The following ADGB variants were observed in gnomAD, a reference collection of about 807,000 sequenced individuals.
ADGB encodes the protein androglobin, also known as calpain-7-like protein.
A neutral mutation model predicts 210.5 loss-of-function variants in ADGB; 172 were observed. The ratio of observed to expected loss-of-function variants is 0.82; its 90% confidence interval spans 0.72 to 0.93. ADGB has a LOEUF of 0.93. Ranked by LOEUF, ADGB falls within the 40% of genes least tolerant of loss-of-function variation. The probability of loss-of-function intolerance (pLI) is 0.00; values close to 1 mark genes in which losing one functional copy is unlikely to be tolerated. For synonymous variants in ADGB, 658 were observed against 662.7 expected (o/e 0.99, Z 0.11); for missense variants, 2,025 against 1,964.8 (o/e 1.03, Z -0.58).
At chr6:146,645,462 G>A (rs1775595005) in intron 3 of ADGB, among the ~76,000 whole-genome samples, 1 of 151,994 alleles carries the variant, frequency 6.6e-6, no homozygotes, top group Non-Finnish European at 1.5e-5. Flanking sequence ...CTATATGTTA[G>A]TTTGAATATA....
At chr6:146,698,619 A>G (rs6905055) in intron 12 of ADGB, among the ~76,000 whole-genome samples, 46,728 of 152,144 alleles carry the variant, frequency 0.31, 7,788 homozygotes, top group East Asian at 0.46. Flanking sequence ...AAATATTGGC[A>G]GTTGGCAATG....
intron 13 of ADGB, among the ~76,000 whole-genome samples, chr6:146,711,618 C>T (rs1776657751): frequency 1.3e-5 from 2 of 152,148 alleles, no homozygotes; most frequent in Admixed American, 1.3e-4. Context: ...TCCATTCTCC[C>T]ACCTAATTTA....
intron 35 of ADGB, among the ~76,000 whole-genome samples, chr6:146,811,505 G>T (rs965404357): frequency 6.6e-6 from 1 of 150,752 alleles, no homozygotes; most frequent in Non-Finnish European, 1.5e-5. Context: ...TATTCAAGTA[G>T]TAACATTATT....
chr6:146,624,552 G>T (rs1176017000), intron 1 of ADGB, among the ~76,000 whole-genome samples: 1 of 151,226 alleles, frequency 6.6e-6, no homozygotes, highest in East Asian at 1.9e-4. Context: ...CTGGATTTTT[G>T]GTTACATTTA....
chr6:146,666,710 T>A, intron 6 of ADGB, 106 bp from the exon 7 acceptor site: 1 of 605,814 alleles, frequency 1.7e-6, no homozygotes, highest in Non-Finnish European at 2.8e-6. Context: ...CAGTCTATAA[T>A]GAATAATCAG....
rs1334983685 is a variant in ADGB, at chr6:146,728,718, G to A, written c.2497G>A (p.Glu833Lys). The A allele has an allele frequency of 6.4e-7, 1 of 1,550,422 alleles. No homozygotes were observed. Among genetic ancestry groups the A allele is most frequent in the Admixed American group, 2.0e-5 (1 of 50,972 alleles). The change falls in exon 20 of 36, where the codon GAA becomes AAA. Residue 833 changes from glutamate to lysine, a missense_variant. Glu to Lys is a moderately conservative substitution (Grantham distance 56, BLOSUM62 1). Coordinates refer to ENST00000397944, the MANE Select transcript of ADGB (RefSeq NM_024694.4). ...CTACCCTGTCCCCTTCCATGATAAA[G>A]AACTAACTGCACAGCACTTCAGGGT... The part of the protein sequence containing the change: ...AHYPVPFHDK[E>K]LTAQHFRVFH...
chr6:146,722,354 G>T (rs1776830694), intron 17 of ADGB, among the ~76,000 whole-genome samples: 1 of 152,082 alleles, frequency 6.6e-6, no homozygotes, highest in East Asian at 1.9e-4. Context: ...TATCTACCCT[G>T]CCACTTTTTC....
At chr6:146,655,242 A>G (rs1775762762) in intron 4 of ADGB, among the ~76,000 whole-genome samples, 1 of 152,140 alleles carries the variant, frequency 6.6e-6, no homozygotes, top group Admixed American at 6.6e-5. Context: ...AGCAATGGAC[A>G]TGAAGTGGCT....
intron 1 of ADGB, among the ~76,000 whole-genome samples, chr6:146,629,810 C>T (rs957698053): frequency 2.6e-5 from 4 of 152,124 alleles, no homozygotes; most frequent in Admixed American, 6.5e-5. Flanking sequence ...GTCATCCTTA[C>T]TCCTTTATAA....
intron 27 of ADGB, among the ~76,000 whole-genome samples, chr6:146,762,722 T>G (rs1231485984): frequency 6.6e-6 from 1 of 152,118 alleles, no homozygotes; most frequent in Non-Finnish European, 1.5e-5. Flanking sequence ...AGTTCTAGAG[T>G]TGCCATGACT....
chr6:146,756,304 C>A (rs935313699), intron 27 of ADGB, among the ~76,000 whole-genome samples: 1 of 152,096 alleles, frequency 6.6e-6, no homozygotes, highest in African/African-American at 2.4e-5. Flanking sequence ...GAGCTTTCTG[C>A]AAGATAGACC....
intron 4 of ADGB, among the ~76,000 whole-genome samples, chr6:146,656,496 C>G (rs757033316): frequency 6.6e-6 from 1 of 152,088 alleles, no homozygotes. Context: ...AAATAGAAGT[C>G]GTGCCAAATC....
Position 146,791,816 on chromosome 6 carries a change from T to C in ADGB, c.4537+3206T>C, listed in dbSNP as rs1777959936. Among the ~76,000 whole-genome samples, 5 of 152,058 alleles carry C rather than the reference T, an allele frequency of 3.3e-5. No homozygotes were observed. In the South Asian group the frequency reaches 1.0e-3, roughly 32 times the overall value. ...CTCAGTCACCCGAACTGGAGTTCAG[T>C]GGCACAATAACAGCTCATTGCAGCC... On this transcript the variant is annotated intron_variant, in intron 33 of 35. Transcript: ENST00000397944.
chr6:146,635,981 C>G (rs1775413109), intron 2 of ADGB, among the ~76,000 whole-genome samples: 1 of 152,014 alleles, frequency 6.6e-6, no homozygotes, highest in Non-Finnish European at 1.5e-5. Context: ...CTCCTACTAT[C>G]TCCTCAAGAT....
intron 25 of ADGB, among the ~76,000 whole-genome samples, chr6:146,744,814 A>T (rs926871034): frequency 6.6e-6 from 1 of 152,168 alleles, no homozygotes; most frequent in Non-Finnish European, 1.5e-5. Flanking sequence ...TTGGATTTTC[A>T]CTTACCAATA....
chr6:146,666,763 T>G, intron 6 of ADGB, 53 bp from the exon 7 acceptor site: 1 of 1,095,096 alleles, frequency 9.1e-7, no homozygotes, highest in African/African-American at 1.6e-5. Context: ...CTTATATATC[T>G]TTATGTGTTT....
intron 3 of ADGB, among the ~76,000 whole-genome samples, chr6:146,653,838 C>A (rs974909418): frequency 1.3e-5 from 2 of 152,048 alleles, no homozygotes; most frequent in African/African-American, 4.8e-5. Flanking sequence ...TTTTTATCAC[C>A]TATAGCTCTA....
chr6:146,801,520 G>A lies in ADGB; in HGVS notation c.4634+241G>A, dbSNP rs146305998. ...GAAAACATCATCAAAATTATTAGCT[G>A]CATAAATTCAAAGGAAAACCTACAA... is the stretch of plus-strand genomic sequence containing the variant. On this transcript the variant is annotated intron_variant, in intron 34 of 35. Coordinates refer to ENST00000397944, the MANE Select transcript of ADGB (RefSeq NM_024694.4). Among the ~76,000 whole-genome samples the A allele has an allele frequency of 8.6e-3, 1,305 of 152,226 alleles. 4 individuals are homozygous for A. Among genetic ancestry groups the A allele is most frequent in the Non-Finnish European group, 0.014 (940 of 67,998 alleles).
intron 20 of ADGB, 124 bp downstream of exon 20, chr6:146,728,865 G>A: frequency 2.5e-6 from 2 of 798,932 alleles, no homozygotes; most frequent in Non-Finnish European, 1.8e-6. Context: ...TAATATATTT[G>A]GGAAGTGATT....
Sources: gnomAD v4.1 joint callset for allele counts (sites outside exome capture counted in the v4.1 genomes callset) on GRCh38, gnomAD v4.1.1 for gene constraint, MANE v1.5 for transcripts, NCBI Gene and HGNC (gene_info 2026-07-23, HGNC 2026-07-21) for gene names.